The following FAM219A variants were observed in gnomAD, a reference collection of about 807,000 sequenced individuals.
The protein encoded by FAM219A is protein FAM219A.
FAM219A carries 7 observed loss-of-function variants against 23.4 expected under a neutral mutation model. The ratio of observed to expected loss-of-function variants is 0.30; its 90% CI spans 0.17 to 0.56. FAM219A has a LOEUF of 0.56. Ranked by LOEUF, FAM219A falls within the 20% of genes least tolerant of loss-of-function variation. FAM219A has a pLI of 0.92. For missense variants in FAM219A, 166 were observed against 246.9 expected (o/e 0.67, Z 2.20); for synonymous variants, 93 against 99.0 (o/e 0.94, Z 0.36).
intron 1 of FAM219A, among the ~76,000 whole-genome samples, chr9:34,410,090 G>T (rs1200762619): frequency 1.3e-5 from 2 of 152,208 alleles, no homozygotes; most frequent in African/African-American, 2.4e-5. Flanking sequence ...TTCAAAGCAT[G>T]CAGGGAGGGA....
At chr9:34,453,004 GTGTT>G (rs1823610836) in intron 1 of FAM219A, among the ~76,000 whole-genome samples, 1 of 152,084 alleles carries the variant, frequency 6.6e-6, no homozygotes, top group South Asian at 2.1e-4. Flanking sequence ...TTCTTACTTG[GTGTT>G]TGTTTGATGA....
intron 1 of FAM219A, among the ~76,000 whole-genome samples, chr9:34,422,286 T>C (rs1411198439): frequency 6.6e-6 from 1 of 152,224 alleles, no homozygotes; most frequent in South Asian, 2.1e-4. Flanking sequence ...TATTATTTCA[T>C]TGAATCCTCC....
chr9:34,411,874 G>T (rs900424078), intron 1 of FAM219A, among the ~76,000 whole-genome samples: 7 of 152,208 alleles, frequency 4.6e-5, no homozygotes, highest in Non-Finnish European at 8.8e-5. Flanking sequence ...GAGGAGTAAG[G>T]ACATTCAGGG....
At chr9:34,446,912 G>C (rs963947842) in intron 1 of FAM219A, among the ~76,000 whole-genome samples, 1 of 152,130 alleles carries the variant, frequency 6.6e-6, no homozygotes, top group South Asian at 2.1e-4. Flanking sequence ...TACCTCCTAG[G>C]AACTGAATTC....
intron 1 of FAM219A, among the ~76,000 whole-genome samples, chr9:34,412,001 G>T (rs1821841190): frequency 6.6e-6 from 1 of 152,192 alleles, no homozygotes; most frequent in Admixed American, 6.5e-5. Flanking sequence ...AATCAAGTTT[G>T]TGGAGTCAGG....
In FAM219A at chr9:34,400,909, C is replaced by T. The variant is rs1296846609; in HGVS notation, c.*55G>A. ...GAGCTGGGAAGGGGTCGGCCTCTGCCCGTCCTACCCGGCCCTTGGCGGCCC... is the reference window on the plus strand; with the variant it reads ...GAGCTGGGAAGGGGTCGGCCTCTGCTCGTCCTACCCGGCCCTTGGCGGCCC... On this transcript the variant is annotated 3_prime_UTR_variant, in exon 6 of 6. Transcript: ENST00000651358. 10 of 1,463,466 alleles carry T rather than the reference C, an allele frequency of 6.8e-6. No homozygotes were observed. The highest frequency in any genetic ancestry group is 4.4e-4 in the Middle Eastern group (2 of 4,526). The allele number at this position is 1,463,466 out of a possible 1,614,324, so 90.7% of individuals were successfully genotyped here. A position where few individuals can be genotyped will look rare whatever the true frequency, so the allele number is the denominator to read the frequency against.
At chr9:34,446,599 A>G (rs942618368) in intron 1 of FAM219A, among the ~76,000 whole-genome samples, 4 of 152,240 alleles carry the variant, frequency 2.6e-5, no homozygotes, top group African/African-American at 9.6e-5. Flanking sequence ...AATGTGAGGT[A>G]AGAACACATT....
chr9:34,431,875 T>G (rs1378344988), intron 1 of FAM219A, among the ~76,000 whole-genome samples: 2 of 152,220 alleles, frequency 1.3e-5, no homozygotes, highest in Non-Finnish European at 2.9e-5. Context: ...CTTGGGTGTA[T>G]GTGCATGTGC....
intron 1 of FAM219A, among the ~76,000 whole-genome samples, chr9:34,456,014 G>A (rs1261276772): frequency 6.6e-6 from 1 of 152,154 alleles, no homozygotes; most frequent in Non-Finnish European, 1.5e-5. Flanking sequence ...CCAACATGGC[G>A]AAACCCTGTC....
In FAM219A at chr9:34,398,759, A is replaced by G. The variant is rs1588024495; in HGVS notation, c.*2205T>C. 2 of 123,486 alleles carry G rather than the reference A, an allele frequency of 1.6e-5. No individual in the cohort carries two copies. The highest frequency in any genetic ancestry group is 2.0e-4 in the South Asian group (1 of 4,912). 7.6% of individuals were successfully genotyped at this position (123,486 alleles called of 1,614,324 possible). ...CCGGGGTGGTGGTGGTGGTAGTGGG[A>G]GGGCTGGCTCTGGGGTCCAGATGAT... On this transcript the variant is annotated 3_prime_UTR_variant, in exon 6 of 6. Transcript: ENST00000651358.
intron 1 of FAM219A, among the ~76,000 whole-genome samples, chr9:34,413,482 G>T (rs1821897843): frequency 6.6e-6 from 1 of 152,106 alleles, no homozygotes; most frequent in South Asian, 2.1e-4. Flanking sequence ...ATAATCCAGG[G>T]CAGAGACATG....
chr9:34,416,273 GGGAAGGAAGGAAGGAAGGAA>G (rs74180565), intron 1 of FAM219A, among the ~76,000 whole-genome samples: 2 of 114,086 alleles, frequency 1.8e-5, no homozygotes, highest in Non-Finnish European at 3.6e-5. Flanking sequence ...GAGGGAGGGA[GGGAAGGAAGGAAGGAAGGAA>G]GGAAGGAAGG....
At chr9:34,444,821 TTC>T (rs753852528) in intron 1 of FAM219A, among the ~76,000 whole-genome samples, 3 of 152,186 alleles carry the variant, frequency 2.0e-5, no homozygotes, top group Non-Finnish European at 2.9e-5. Context: ...TAATTTATTA[TTC>T]TCTCTTTTCC....
chr9:34,405,516 G>A (rs1364653462), intron 2 of FAM219A, among the ~76,000 whole-genome samples: 1 of 152,128 alleles, frequency 6.6e-6, no homozygotes, highest in African/African-American at 2.4e-5. Flanking sequence ...GACATAACAA[G>A]TAACATCCCA....
chr9:34,430,183 G>A (rs1822637885), intron 1 of FAM219A, among the ~76,000 whole-genome samples: 1 of 152,130 alleles, frequency 6.6e-6, no homozygotes, highest in African/African-American at 2.4e-5. Context: ...GGAAAGAGAA[G>A]AGGTCATGCC....
intron 1 of FAM219A, 90 bp from the exon 2 acceptor site, chr9:34,406,054 C>CAGAGG: frequency 7.7e-7 from 1 of 1,299,374 alleles, no homozygotes; most frequent in Non-Finnish European, 1.1e-6. Flanking sequence ...CCCACCTGCC[C>CAGAGG]TCTGGGCTTC....
At chr9:34,414,875 G>A (rs1436364748) in intron 1 of FAM219A, among the ~76,000 whole-genome samples, 2 of 152,168 alleles carry the variant, frequency 1.3e-5, no homozygotes, top group African/African-American at 4.8e-5. Flanking sequence ...TCCAGCTCTG[G>A]ACTATGAGCT....
In FAM219A at chr9:34,398,529, C is replaced by A; in HGVS notation, c.*2435G>T. 1.4e-6 allele frequency: 1 copy of A among 692,534 alleles called. No individual in the cohort carries two copies. The highest frequency in any genetic ancestry group is 2.4e-6 in the Non-Finnish European group (1 of 413,504). The allele number at this position is 692,534 out of a possible 1,614,324, so 42.9% of individuals were successfully genotyped here. On this transcript the variant is annotated 3_prime_UTR_variant, in exon 6 of 6. Coordinates refer to ENST00000651358, the MANE Select transcript of FAM219A (RefSeq NM_001184940.2). ...GCCAGCTTCCTGCCTCTCTCTGCCACACATGCACTGCCTCAGTTGGAAGCC... is the reference window on the plus strand; with the variant it reads ...GCCAGCTTCCTGCCTCTCTCTGCCAAACATGCACTGCCTCAGTTGGAAGCC...
At chr9:34,419,522 G>A (rs904558533) in intron 1 of FAM219A, among the ~76,000 whole-genome samples, 1 of 152,126 alleles carries the variant, frequency 6.6e-6, no homozygotes, top group Non-Finnish European at 1.5e-5. Flanking sequence ...AAGGGAGGAG[G>A]CATAGACACT....
Sources: gnomAD v4.1 joint callset for allele counts (sites outside exome capture counted in the v4.1 genomes callset) on GRCh38, gnomAD v4.1.1 for gene constraint, MANE v1.5 for transcripts, NCBI Gene and HGNC (gene_info 2026-07-23, HGNC 2026-07-21) for gene names.